The following FSTL4 variants were observed in gnomAD, a reference collection of about 807,000 sequenced individuals.
The protein encoded by FSTL4 is follistatin like 4, also known as follistatin-related protein 4.
A neutral mutation model predicts 78.2 loss-of-function variants in FSTL4; 28 were observed. That is an observed-to-expected ratio of 0.36 (90% CI 0.27 to 0.49). The LOEUF (loss-of-function observed/expected upper bound fraction) is 0.49. FSTL4 is among the 20% of genes least tolerant of loss of function. FSTL4 has a pLI of 0.98. For synonymous variants in FSTL4, 422 were observed against 440.5 expected (o/e 0.96, Z 0.53); for missense variants, 922 against 1,084.9 (o/e 0.85, Z 2.11).
intron 4 of FSTL4, among the ~76,000 whole-genome samples, chr5:133,351,630 C>T (rs1266104267): frequency 9.2e-5 from 14 of 151,694 alleles, no homozygotes; most frequent in African/African-American, 9.7e-5. Flanking sequence ...TTTTTTGAGA[C>T]GGAGTCTTGC....
At chr5:133,450,862 G>C (rs1488870205) in intron 3 of FSTL4, among the ~76,000 whole-genome samples, 1 of 152,182 alleles carries the variant, frequency 6.6e-6, no homozygotes, top group African/African-American at 2.4e-5. Flanking sequence ...GACCAATGGG[G>C]GAGAGCCAGG....
chr5:133,521,101 G>A (rs1758971379), intron 3 of FSTL4, among the ~76,000 whole-genome samples: 1 of 152,120 alleles, frequency 6.6e-6, no homozygotes, highest in African/African-American at 2.4e-5. Context: ...TCCTGAGCTT[G>A]CTTTAGCAAA....
the FSTL4 span, among the ~76,000 whole-genome samples, chr5:133,760,160 A>T: frequency 6.6e-6 from 1 of 152,222 alleles, no homozygotes; most frequent in Non-Finnish European, 1.5e-5. Flanking sequence ...CCAAAGAGGC[A>T]TCAGGCCCTT....
chr5:133,760,268 CAG>C, the FSTL4 span, among the ~76,000 whole-genome samples: 1 of 152,220 alleles, frequency 6.6e-6, no homozygotes, highest in East Asian at 1.9e-4. Context: ...CTAAGGGCCA[CAG>C]AGTCATTTCA....
At chr5:133,336,562 T>G (rs1312536565) in intron 4 of FSTL4, among the ~76,000 whole-genome samples, 2 of 152,152 alleles carry the variant, frequency 1.3e-5, no homozygotes, top group Non-Finnish European at 2.9e-5. Flanking sequence ...TGGTACGGAT[T>G]TTATTCCCTG....
At chr5:133,661,809 A>T in the FSTL4 span, among the ~76,000 whole-genome samples, 1 of 152,238 alleles carries the variant, frequency 6.6e-6, no homozygotes, top group Admixed American at 6.5e-5. Context: ...ATTACAACAG[A>T]TTCTTTACAA....
intron 3 of FSTL4, among the ~76,000 whole-genome samples, chr5:133,498,169 C>T (rs1758410556): frequency 6.6e-6 from 1 of 152,168 alleles, no homozygotes; most frequent in African/African-American, 2.4e-5. Flanking sequence ...AGGTGCCTCA[C>T]CGCACGGTGA....
At chr5:133,665,687 C>G in the FSTL4 span, among the ~76,000 whole-genome samples, 2 of 152,200 alleles carry the variant, frequency 1.3e-5, no homozygotes, top group Admixed American at 6.5e-5. Context: ...CCCAGAAAGC[C>G]TATTCTAGAA....
At chr5:133,532,419 A>G (rs246422) in intron 3 of FSTL4, among the ~76,000 whole-genome samples, 58,501 of 152,034 alleles carry the variant, frequency 0.38, 11,398 homozygotes, top group East Asian at 0.43. Context: ...TCATCTCCAG[A>G]TCTGATTGGG....
intron 5 of FSTL4, among the ~76,000 whole-genome samples, chr5:133,315,466 C>T (rs1414157045): frequency 4.6e-5 from 7 of 152,180 alleles, no homozygotes; most frequent in African/African-American, 1.4e-4. Context: ...TAGGGCACTC[C>T]CCACCCCACT....
the FSTL4 span, among the ~76,000 whole-genome samples, chr5:133,745,381 C>A: frequency 5.3e-5 from 8 of 152,328 alleles, no homozygotes; most frequent in East Asian, 1.2e-3. Context: ...AGCAGGGAAT[C>A]AATAGCACAT....
At chr5:133,651,459 G>T in the FSTL4 span, among the ~76,000 whole-genome samples, 1 of 151,994 alleles carries the variant, frequency 6.6e-6, no homozygotes, top group South Asian at 2.1e-4. Flanking sequence ...ATGGGTGTTG[G>T]ATTTTGTCAA....
chr5:133,677,179 C>T, the FSTL4 span, among the ~76,000 whole-genome samples: 1 of 152,226 alleles, frequency 6.6e-6, no homozygotes, highest in East Asian at 1.9e-4. Flanking sequence ...AATACAGGAT[C>T]GTTCACACAC....
chr5:133,690,005 G>A, the FSTL4 span, among the ~76,000 whole-genome samples: 3 of 152,086 alleles, frequency 2.0e-5, no homozygotes, highest in African/African-American at 7.2e-5. Flanking sequence ...AGTTTGCAGT[G>A]AGCCCAGATC....
At chr5:133,533,755 C>T (rs1451693725) in intron 3 of FSTL4, among the ~76,000 whole-genome samples, 1 of 152,182 alleles carries the variant, frequency 6.6e-6, no homozygotes, top group Non-Finnish European at 1.5e-5. Flanking sequence ...GTGCCCACCC[C>T]AGAGCAGATG....
chr5:133,526,109 G>C (rs1159568558), intron 3 of FSTL4, among the ~76,000 whole-genome samples: 6 of 152,132 alleles, frequency 3.9e-5, no homozygotes. Flanking sequence ...ACCTAGCACT[G>C]TGATTTTCTA....
chr5:133,422,145 A>G (rs1756710013), intron 3 of FSTL4, among the ~76,000 whole-genome samples: 1 of 152,078 alleles, frequency 6.6e-6, no homozygotes, highest in South Asian at 2.1e-4. Context: ...TGAAGGAGAG[A>G]AGAAGGACGT....
the FSTL4 span, among the ~76,000 whole-genome samples, chr5:133,671,258 T>C: frequency 6.6e-6 from 1 of 152,036 alleles, no homozygotes. Context: ...AGATGAGCCC[T>C]GCCTAAATTG....
the FSTL4 span, among the ~76,000 whole-genome samples, chr5:133,786,583 C>T: frequency 1.3e-5 from 2 of 152,182 alleles, no homozygotes; most frequent in Non-Finnish European, 2.9e-5. Flanking sequence ...ATCGGTCAAA[C>T]AAGTCTAGCC....
Sources: gnomAD v4.1 joint callset for allele counts (sites outside exome capture counted in the v4.1 genomes callset) on GRCh38, gnomAD v4.1.1 for gene constraint, MANE v1.5 for transcripts, NCBI Gene and HGNC (gene_info 2026-07-23, HGNC 2026-07-21) for gene names.